PGAP6: variants seen among roughly 807,000 people sequenced by gnomAD.
The protein encoded by PGAP6 is post-GPI attachment to proteins 6.
Under a neutral mutation model 68.4 loss-of-function variants are expected in PGAP6, and 62 were observed. The observed-to-expected ratio is 0.91, with a 90% CI of 0.74 to 1.12. PGAP6 has a LOEUF of 1.12. Ranked by LOEUF, PGAP6 falls within the 50% of genes most tolerant of loss-of-function variation. PGAP6 has a pLI of 0.00. For missense variants in PGAP6, 1,188 were observed against 1,068.5 expected, an observed-to-expected ratio of 1.11 and a Z score of -1.56; for synonymous variants, 575 against 474.0, an observed-to-expected ratio of 1.21 and a Z score of -2.77.
chr16:376,794 G>A lies in PGAP6; in HGVS notation c.654C>T (p.Tyr218=). ...GCAGCTCCAGCAGAAGCTCCCGCGT[G>A]TAATCGGGGACAAAGACCCTGCAGC... The part of the protein sequence containing the change: ...PSYLKVFVPD[Y]TRELLLELRD... Residue 218 remains tyrosine, a synonymous_variant, in exon 5 of 13, where the codon TAC becomes TAT. Coordinates refer to ENST00000431232, the MANE Select transcript of PGAP6 (RefSeq NM_021259.3). 1 of 1,607,930 alleles carries A rather than the reference G, an allele frequency of 6.2e-7. No individual in the cohort carries two copies. The highest frequency in any genetic ancestry group is 1.1e-5 in the South Asian group (1 of 91,024).
intron 1 of PGAP6, among the ~76,000 whole-genome samples, chr16:378,123 G>A (rs955377117): frequency 6.6e-6 from 1 of 150,474 alleles, no homozygotes; most frequent in Non-Finnish European, 1.5e-5. Context: ...CAAACAAGCC[G>A]CAGGGTACCT....
In PGAP6 at chr16:374,817, A is replaced by G; in HGVS notation, c.1515T>C (p.Tyr505=). 2 of 1,612,980 alleles carry G rather than the reference A, an allele frequency of 1.2e-6. No individual in the cohort carries two copies. Among genetic ancestry groups the G allele is most frequent in the Non-Finnish European group, 1.7e-6 (2 of 1,179,960 alleles). Residue 505 remains tyrosine, a synonymous_variant, in exon 9 of 13, where the codon TAT becomes TAC. Transcript: ENST00000431232. ...GTCTGCGGAGCAGGAGGCACTGGCC[A>G]TAGGGTCCACAATCGTTCAAACAGG... ...LVPCLNDCGP[Y]GQCLLLRRHS...
chr16:381,568 C>G, intron 1 of PGAP6, 133 bp downstream of exon 1: 1 of 675,924 alleles, frequency 1.5e-6, no homozygotes, highest in Non-Finnish European at 2.0e-6. Context: ...CTGTGCACCC[C>G]CAACCCGCGG....
At chr16:384,885 G>A (rs931685648), upstream of PGAP6, among the ~76,000 whole-genome samples, 2 of 149,680 alleles carry the variant, frequency 1.3e-5, no homozygotes, top group Admixed American at 6.7e-5. Context: ...CGGAGAGGCC[G>A]TACGCGGTGG....
intron 1 of PGAP6, among the ~76,000 whole-genome samples, chr16:381,367 C>G (rs1254166396): frequency 6.6e-6 from 1 of 152,242 alleles, no homozygotes; most frequent in African/African-American, 2.4e-5. Context: ...AGCTGGAGTC[C>G]CGGGCAGAGT....
At chr16:380,525 G>A (rs2054428028) in intron 1 of PGAP6, among the ~76,000 whole-genome samples, 1 of 152,036 alleles carries the variant, frequency 6.6e-6, no homozygotes, top group Admixed American at 6.6e-5. Flanking sequence ...CGCCACCACT[G>A]CCGGCTAATT....
chr16:386,146 T>C (rs2054483617), upstream of PGAP6, among the ~76,000 whole-genome samples: 1 of 151,792 alleles, frequency 6.6e-6, no homozygotes, highest in Non-Finnish European at 1.5e-5. Flanking sequence ...TTGCTGGGTG[T>C]GGGAGCAGCT....
chr16:376,917 G>A (rs925027481), intron 4 of PGAP6, 105 bp from the exon 5 acceptor site: 3 of 1,557,612 alleles, frequency 1.9e-6, no homozygotes, highest in African/African-American at 2.7e-5. Context: ...TGGGGGCCAG[G>A]CATCTGGACC....
In PGAP6 at chr16:377,772, C is replaced by A. The variant is rs375498857; in HGVS notation, c.198G>T (p.Arg66Ser). The A allele has an allele frequency of 2.0e-4, 325 of 1,587,422 alleles. No homozygotes were observed. In the East Asian group the frequency reaches 6.6e-3, roughly 32 times the overall value. Residue 66 changes from arginine (R) to serine (S), a missense_variant, in exon 2 of 13, where the codon AGG (arginine) becomes AGT (serine). Arg to Ser is a moderately radical substitution (Grantham distance 110). Coordinates refer to ENST00000431232, the MANE Select transcript of PGAP6 (RefSeq NM_021259.3). ...CTGGGGGCACGCGGAAGCGGAAGAGCCTGGCACTGCCGTACCAGCTGTAGA... is the reference window on the plus strand; with the variant it reads ...CTGGGGGCACGCGGAAGCGGAAGAGACTGGCACTGCCGTACCAGCTGTAGA... The part of the protein sequence containing the change: ...LSFYSWYGSA[R>S]LFRFRVPPDA...
At chr16:374,694 C>A in intron 9 of PGAP6, 62 bp downstream of exon 9, 6 of 1,596,488 alleles carry the variant, frequency 3.8e-6, no homozygotes, top group Non-Finnish European at 5.1e-6. Flanking sequence ...GGGAAAGGCA[C>A]AGCACAGCAC....
chr16:382,360 G>C (rs1266316300), upstream of PGAP6: 1 of 384,378 alleles, frequency 2.6e-6, no homozygotes, highest in Non-Finnish European at 4.6e-6. Flanking sequence ...GCCGACCTCC[G>C]CCTGGGACCG....
chr16:385,222 A>G (rs986273528), upstream of PGAP6, among the ~76,000 whole-genome samples: 3 of 151,698 alleles, frequency 2.0e-5, no homozygotes, highest in Non-Finnish European at 2.9e-5. Flanking sequence ...ACACACAAGG[A>G]TGTTTGCAGC....
Position 372,234 on chromosome 16 carries a change from C to T in PGAP6, c.2069G>A (p.Arg690His), listed in dbSNP as rs545669418. The T allele has an allele frequency of 5.3e-5, 86 of 1,612,068 alleles. 1 individual carries two copies. Among genetic ancestry groups the T allele is most frequent in the South Asian group, 4.8e-4 (44 of 91,062 alleles). The change falls in exon 13 of 13, where the codon CGC becomes CAC. Residue 690 changes from arginine (R) to histidine (H), a missense_variant. Coordinates refer to ENST00000431232, the MANE Select transcript of PGAP6 (RefSeq NM_021259.3). ...GCCGGGCAGGAGGTAGAAGGCCCAGCGCTGCCACGAGGTGGGGTAGCACTG... is the reference window on the plus strand; with the variant it reads ...GCCGGGCAGGAGGTAGAAGGCCCAGTGCTGCCACGAGGTGGGGTAGCACTG... ...RRQCYPTSWQRWAFYLLPGVS... is the reference protein window; with the variant it reads ...RRQCYPTSWQHWAFYLLPGVS...
chr16:377,295 G>C (rs2054393533), intron 3 of PGAP6, 83 bp downstream of exon 3: 3 of 1,565,848 alleles, frequency 1.9e-6, no homozygotes, highest in Admixed American at 1.8e-5. Context: ...CTAGAGCGAG[G>C]ACCACCCCAA....
intron 1 of PGAP6, among the ~76,000 whole-genome samples, chr16:378,904 T>C (rs2054415717): frequency 1.3e-5 from 2 of 152,176 alleles, no homozygotes; most frequent in African/African-American, 4.8e-5. Context: ...GGTGCGGGGA[T>C]GGAGAAGGGC....
intron 1 of PGAP6, among the ~76,000 whole-genome samples, chr16:381,013 G>C (rs764482927): frequency 6.6e-6 from 1 of 152,214 alleles, no homozygotes; most frequent in South Asian, 2.1e-4. Flanking sequence ...TCCCTACCCC[G>C]TGGAAGGGCT....
At chr16:375,091 G>A in intron 8 of PGAP6, 42 bp downstream of exon 8, 1 of 1,606,478 alleles carries the variant, frequency 6.2e-7, no homozygotes, top group Non-Finnish European at 8.5e-7. Context: ...TGAGTGAAAT[G>A]ACAGGGTGCC....
Position 372,703 on chromosome 16 carries a change from C to G in PGAP6, c.1927G>C (p.Val643Leu). ...TCCAGCTGCAAGGACATGGCGATGA[C>G]CAGTGTACCCAGAAGAAACAGCACC... ...KYVLFLLGTL[V>L]IAMSLQLDRR... The change falls in exon 12 of 13, where the codon GTC becomes CTC. Residue 643 changes from valine (V) to leucine (L), a missense_variant. By Grantham distance (32) the Val-to-Leu change is conservative (BLOSUM62 1). Transcript: ENST00000431232. The G allele has an allele frequency of 6.2e-7, 1 of 1,611,434 alleles. No homozygotes were observed. Among genetic ancestry groups the G allele is most frequent in the Non-Finnish European group, 8.5e-7 (1 of 1,179,144 alleles).
At position 371,524 on chromosome 16, in the gene PGAP6, C is replaced by T. The variant is rs116311065; in HGVS notation, c.*463G>A. 5,105 of 172,650 alleles carry T rather than the reference C, an allele frequency of 0.03. 307 individuals are homozygous for T. The highest frequency in any genetic ancestry group is 0.11 in the African/African-American group (4,711 of 41,732). The allele number at this position is 172,650 out of a possible 1,614,324, so 10.7% of individuals were successfully genotyped here. ...TGCCCCAGGCAGGCTGGCATCAGGGCCACACAGGGGCCAGGAGCAGGGGTC... is the reference window on the plus strand; with the variant it reads ...TGCCCCAGGCAGGCTGGCATCAGGGTCACACAGGGGCCAGGAGCAGGGGTC... On this transcript the variant is annotated 3_prime_UTR_variant, in exon 13 of 13. Transcript: ENST00000431232.
Sources: allele counts gnomAD v4.1 joint callset (sites outside exome capture counted in the v4.1 genomes callset), GRCh38; gene constraint gnomAD v4.1.1; transcripts MANE v1.5; gene names NCBI Gene and HGNC (gene_info 2026-07-23, HGNC 2026-07-21).